PCDH9: variants seen among roughly 807,000 people sequenced by gnomAD.
PCDH9 encodes protocadherin 9, also known as protocadherin-9.
PCDH9 carries 24 observed loss-of-function variants against 70.6 expected under a neutral mutation model. The observed-to-expected ratio is 0.34, with a 90% confidence interval of 0.25 to 0.48. The LOEUF is 0.48. Ranked by LOEUF, PCDH9 falls within the 20% of genes least tolerant of loss-of-function variation. PCDH9 has a pLI of 0.99. For synonymous variants in PCDH9, 562 were observed against 558.5 expected, an observed-to-expected ratio of 1.01 and a Z score of -0.09; for missense variants, 1,281 against 1,503.6, an observed-to-expected ratio of 0.85 and a Z score of 2.45.
intron 2 of PCDH9, among the ~76,000 whole-genome samples, chr13:67,024,880 CA>C (rs1203952859): frequency 6.6e-6 from 1 of 152,080 alleles, no homozygotes; most frequent in African/African-American, 2.4e-5. Flanking sequence ...GGAGTACTCA[CA>C]TAATTGATGA....
At chr13:66,512,469 T>C (rs1048904490) in intron 4 of PCDH9, among the ~76,000 whole-genome samples, 3 of 152,122 alleles carry the variant, frequency 2.0e-5, no homozygotes, top group African/African-American at 4.8e-5. Context: ...TAGGTTCTGA[T>C]AGTTACTAGA....
intron 2 of PCDH9, among the ~76,000 whole-genome samples, chr13:66,964,521 C>T (rs1358800194): frequency 1.3e-5 from 2 of 151,956 alleles, no homozygotes; most frequent in Non-Finnish European, 2.9e-5. Flanking sequence ...TTTAAGGTAA[C>T]ATGGACCTAC....
At chr13:67,183,457 A>G (rs551009420) in intron 2 of PCDH9, among the ~76,000 whole-genome samples, 81 of 152,288 alleles carry the variant, frequency 5.3e-4, no homozygotes, top group Non-Finnish European at 1.0e-3. Context: ...CTGTAACTCC[A>G]AATATCTCAG....
intron 3 of PCDH9, among the ~76,000 whole-genome samples, chr13:66,713,762 C>A (rs972613585): frequency 2.6e-5 from 4 of 151,270 alleles, no homozygotes; most frequent in African/African-American, 9.7e-5. Flanking sequence ...TAAGACCAAC[C>A]CCTCTTACTT....
chr13:66,724,274 C>T (rs2078977723), intron 3 of PCDH9, among the ~76,000 whole-genome samples: 1 of 151,962 alleles, frequency 6.6e-6, no homozygotes, highest in Non-Finnish European at 1.5e-5. Context: ...GAGCTGTGTC[C>T]TTGAAGAGAC....
chr13:67,109,626 T>C (rs967767857), intron 2 of PCDH9, among the ~76,000 whole-genome samples: 4 of 152,218 alleles, frequency 2.6e-5, no homozygotes, highest in African/African-American at 9.6e-5. Context: ...TATAAAAGTT[T>C]AGTATTTAGC....
intron 3 of PCDH9, among the ~76,000 whole-genome samples, chr13:66,680,357 A>G (rs1384690224): frequency 6.6e-6 from 1 of 151,998 alleles, no homozygotes; most frequent in Non-Finnish European, 1.5e-5. Flanking sequence ...TCTTTCCAGT[A>G]TAGAATGAAA....
chr13:66,723,526 G>A (rs2078968399), intron 3 of PCDH9, among the ~76,000 whole-genome samples: 1 of 152,132 alleles, frequency 6.6e-6, no homozygotes, highest in South Asian at 2.1e-4. Context: ...AAATTCAATT[G>A]CAAATAAAGA....
chr13:66,325,978 C>T (rs529897101), intron 4 of PCDH9, among the ~76,000 whole-genome samples: 4 of 152,112 alleles, frequency 2.6e-5, no homozygotes, highest in African/African-American at 9.6e-5. Flanking sequence ...CTTATTTTTC[C>T]CTTGTTATAT....
At chr13:67,113,700 A>G (rs2086703372) in intron 2 of PCDH9, among the ~76,000 whole-genome samples, 1 of 152,062 alleles carries the variant, frequency 6.6e-6, no homozygotes, top group African/African-American at 2.4e-5. Flanking sequence ...GGCGCCCGCC[A>G]TCACGCCCGG....
chr13:66,905,942 C>T (rs371260047), intron 2 of PCDH9, among the ~76,000 whole-genome samples: 11 of 152,128 alleles, frequency 7.2e-5, no homozygotes, highest in African/African-American at 2.7e-4. Context: ...TTAATGGGTT[C>T]ATCTATAACT....
intron 4 of PCDH9, among the ~76,000 whole-genome samples, chr13:66,351,847 CT>C (rs5804277): frequency 1.3e-5 from 2 of 148,390 alleles, no homozygotes; most frequent in African/African-American, 5.0e-5. Context: ...CTTTTCTTTT[CT>C]TTTTTTTTAA....
At position 66,429,632 on chromosome 13, in the gene PCDH9, G is replaced by A. The variant is rs531543013; in HGVS notation, c.3341-124604C>T. Among the ~76,000 whole-genome samples, 97 of 151,830 alleles carry A rather than the reference G, an allele frequency of 6.4e-4. 2 individuals carry two copies. In the Middle Eastern group the frequency reaches 0.02, roughly 32 times the overall value. ...GTCTATAAATATCTTCAAGGTAACC[G>A]TGAATCTAAGGGGAGGACATCATTC... On this transcript the variant is annotated intron_variant, in intron 4 of 4. Transcript: ENST00000377865.
At chr13:67,014,408 C>T (rs768473187) in intron 2 of PCDH9, among the ~76,000 whole-genome samples, 33 of 152,146 alleles carry the variant, frequency 2.2e-4, no homozygotes, top group South Asian at 2.1e-3. Flanking sequence ...CTTTTATTCA[C>T]TTGTAAGAAA....
At chr13:66,366,347 A>T (rs905418362) in intron 4 of PCDH9, among the ~76,000 whole-genome samples, 2 of 152,060 alleles carry the variant, frequency 1.3e-5, no homozygotes. Flanking sequence ...GATTTCCATA[A>T]GTAATTTTTT....
At chr13:66,905,553 T>C (rs2082346616) in intron 2 of PCDH9, among the ~76,000 whole-genome samples, 1 of 152,166 alleles carries the variant, frequency 6.6e-6, no homozygotes, top group African/African-American at 2.4e-5. Flanking sequence ...AAAACTTCCT[T>C]GTCTAGCCCT....
chr13:66,893,850 C>T (rs2082133625), intron 3 of PCDH9, among the ~76,000 whole-genome samples: 1 of 152,020 alleles, frequency 6.6e-6, no homozygotes, highest in Non-Finnish European at 1.5e-5. Flanking sequence ...TTCTATACAA[C>T]CTATTCTATT....
intron 4 of PCDH9, among the ~76,000 whole-genome samples, chr13:66,344,889 T>G (rs1237749678): frequency 6.6e-6 from 1 of 152,170 alleles, no homozygotes; most frequent in Non-Finnish European, 1.5e-5. Flanking sequence ...GGATGCTTTG[T>G]CTAACTAACA....
chr13:66,842,863 C>T (rs1468359669), intron 3 of PCDH9, among the ~76,000 whole-genome samples: 3 of 152,096 alleles, frequency 2.0e-5, no homozygotes, highest in Admixed American at 6.6e-5. Flanking sequence ...AGATGTCTCT[C>T]TAACTCAGAT....
Sources: allele counts gnomAD v4.1 joint callset (sites outside exome capture counted in the v4.1 genomes callset), GRCh38; gene constraint gnomAD v4.1.1; transcripts MANE v1.5; gene names NCBI Gene and HGNC (gene_info 2026-07-23, HGNC 2026-07-21).